Variants in PDE4B observed in about 807,000 individuals in gnomAD.
PDE4B encodes the protein phosphodiesterase 4B.
A neutral mutation model predicts 82.2 loss-of-function variants in PDE4B; 20 were observed. The observed-to-expected ratio is 0.24, with a 90% confidence interval of 0.17 to 0.35. The LOEUF is 0.35. Ranked by LOEUF, PDE4B falls within the 10% of genes least tolerant of loss-of-function variation. The pLI, the probability that PDE4B is intolerant of heterozygous loss-of-function variation, is 1.00. For synonymous variants in PDE4B, 320 were observed against 318.9 expected (o/e 1.00, Z -0.04); for missense variants, 655 against 907.2 (o/e 0.72, Z 3.57).
At chr1:66,168,011 C>G (rs1157976006) in intron 3 of PDE4B, among the ~76,000 whole-genome samples, 1 of 152,142 alleles carries the variant, frequency 6.6e-6, no homozygotes, top group East Asian at 1.9e-4. Context: ...AAAATAAAGC[C>G]TTTTCCTGTA....
chr1:66,094,955 G>C (rs1306624575), intron 3 of PDE4B, among the ~76,000 whole-genome samples: 1 of 151,842 alleles, frequency 6.6e-6, no homozygotes, highest in Non-Finnish European at 1.5e-5. Flanking sequence ...TAAAGTCTTT[G>C]CATTTAACCA....
Position 66,374,039 on chromosome 1 carries a change from C to A in PDE4B, c.*1361C>A, listed in dbSNP as rs1287661024. On this transcript the variant is annotated 3_prime_UTR_variant, in exon 17 of 17. Transcript: ENST00000341517. ...GATGTAGTTTTTACCCAGGTTCTATCCAAATCTATGTGGGCATGAGTTGGG... is the reference window on the plus strand; with the variant it reads ...GATGTAGTTTTTACCCAGGTTCTATACAAATCTATGTGGGCATGAGTTGGG... The A allele has an allele frequency of 6.6e-6, 1 of 152,616 alleles. No homozygotes were observed. Among genetic ancestry groups the A allele is most frequent in the Admixed American group, 6.5e-5 (1 of 15,272 alleles). The allele number at this position is 152,616 out of a possible 1,614,324, so 9.5% of individuals were successfully genotyped here.
intron 3 of PDE4B, among the ~76,000 whole-genome samples, chr1:66,060,083 G>A (rs1429312125): frequency 1.3e-5 from 2 of 152,124 alleles, no homozygotes; most frequent in African/African-American, 4.8e-5. Context: ...AACTACTATA[G>A]CATAGCATGC....
chr1:66,372,814 T>A lies in PDE4B; in HGVS notation c.*136T>A, dbSNP rs1402004601. The A allele has an allele frequency of 4.8e-6, 4 of 830,230 alleles. No individual in the cohort carries two copies. The highest frequency in any genetic ancestry group is 7.4e-6 in the Non-Finnish European group (4 of 541,372). The allele number at this position is 830,230 out of a possible 1,614,324, so 51.4% of individuals were successfully genotyped here. A position where few individuals can be genotyped will look rare whatever the true frequency, so the allele number is the denominator to read the frequency against. ...GCCTTTCAGTTACTTGAGTTTGGAG[T>A]CAGAAAGCAAGACCAGGAAGCAAAT... On this transcript the variant is annotated 3_prime_UTR_variant, in exon 17 of 17. Coordinates refer to ENST00000341517, the MANE Select transcript of PDE4B (RefSeq NM_002600.4).
chr1:66,014,991 C>T (rs1317088407), intron 3 of PDE4B, among the ~76,000 whole-genome samples: 1 of 152,096 alleles, frequency 6.6e-6, no homozygotes, highest in Non-Finnish European at 1.5e-5. Flanking sequence ...ATGATCATTG[C>T]ACAGGTGACT....
At chr1:66,064,201 T>C (rs567734778) in intron 3 of PDE4B, among the ~76,000 whole-genome samples, 13 of 152,068 alleles carry the variant, frequency 8.5e-5, no homozygotes, top group African/African-American at 3.1e-4. Context: ...ACGGTGCTAA[T>C]GAAGTGTTGT....
At chr1:66,334,210 C>A (rs1483631638) in intron 8 of PDE4B, among the ~76,000 whole-genome samples, 1 of 152,120 alleles carries the variant, frequency 6.6e-6, no homozygotes. Flanking sequence ...TGGCAAACTT[C>A]AATAGTCACC....
rs538385504 is a variant in PDE4B at position 65,965,225 on chromosome 1, T to C, written c.281+46390T>C. On this transcript the variant is annotated intron_variant, in intron 3 of 16. Transcript: ENST00000341517. ...TTGGGTAACATGAATTGATGCCTGC[T>C]TAAAGAGTTAAGGCATTTCCTCCCC... Among the ~76,000 whole-genome samples the C allele has an allele frequency of 1.1e-4, 17 of 152,070 alleles. No individual in the cohort carries two copies. In the South Asian group the frequency reaches 2.5e-3, roughly 22 times the overall value.
chr1:65,870,790 T>G (rs1646564311), intron 1 of PDE4B, among the ~76,000 whole-genome samples: 1 of 152,132 alleles, frequency 6.6e-6, no homozygotes, highest in Admixed American at 6.6e-5. Context: ...CTTGTTTAAT[T>G]TAGAGCTAAG....
At chr1:66,325,471 C>G (rs890005415) in intron 7 of PDE4B, among the ~76,000 whole-genome samples, 7 of 152,152 alleles carry the variant, frequency 4.6e-5, no homozygotes, top group African/African-American at 1.7e-4. Context: ...GCTCAGTGTA[C>G]TTTTGCTGAA....
chr1:65,883,158 T>TC (rs1646729034), intron 1 of PDE4B, among the ~76,000 whole-genome samples: 1 of 152,194 alleles, frequency 6.6e-6, no homozygotes, highest in Non-Finnish European at 1.5e-5. Context: ...TGGTTCCATA[T>TC]GAACTTTAAA....
intron 3 of PDE4B, among the ~76,000 whole-genome samples, chr1:66,183,451 A>G (rs1218150297): frequency 2.0e-5 from 3 of 152,152 alleles, no homozygotes; most frequent in Admixed American, 1.3e-4. Flanking sequence ...GAGCAAAAGA[A>G]TGTTCTCCTT....
intron 2 of PDE4B, among the ~76,000 whole-genome samples, chr1:65,914,694 G>A (rs1441633764): frequency 6.6e-6 from 1 of 151,240 alleles, no homozygotes; most frequent in African/African-American, 2.4e-5. Flanking sequence ...ATAAAACTGA[G>A]CAATGCCTTC....
intron 3 of PDE4B, among the ~76,000 whole-genome samples, chr1:66,078,889 C>T (rs1407589771): frequency 6.6e-6 from 1 of 152,048 alleles, no homozygotes; most frequent in Non-Finnish European, 1.5e-5. Context: ...CAAGTGTGGG[C>T]CACTTAGAGT....
chr1:66,333,715 G>C (rs1213235821), intron 8 of PDE4B, among the ~76,000 whole-genome samples: 1 of 152,148 alleles, frequency 6.6e-6, no homozygotes, highest in Non-Finnish European at 1.5e-5. Context: ...AAGGCTTGCT[G>C]GCTGCGGCTC....
intron 3 of PDE4B, among the ~76,000 whole-genome samples, chr1:66,076,871 C>T (rs1656462845): frequency 6.6e-6 from 1 of 151,970 alleles, no homozygotes; most frequent in Admixed American, 6.6e-5. Context: ...TTGTTTTTCG[C>T]ATGTTAATTT....
chr1:66,310,407 A>G (rs145163345), intron 7 of PDE4B, among the ~76,000 whole-genome samples: 2 of 152,254 alleles, frequency 1.3e-5, no homozygotes, highest in African/African-American at 2.4e-5. Context: ...CTCAATGCAA[A>G]TGGAGGATTG....
intron 3 of PDE4B, among the ~76,000 whole-genome samples, chr1:65,961,852 G>A (rs151006031): frequency 3.9e-5 from 6 of 152,244 alleles, no homozygotes; most frequent in East Asian, 1.9e-4. Context: ...AATTTCCTGC[G>A]AGAAACAAAG....
intron 3 of PDE4B, among the ~76,000 whole-genome samples, chr1:66,115,490 A>G (rs1645576628): frequency 6.6e-6 from 1 of 152,230 alleles, no homozygotes; most frequent in Non-Finnish European, 1.5e-5. Flanking sequence ...ATTTTTATGA[A>G]TTCATCAAGC....
Sources: allele counts gnomAD v4.1 joint callset (sites outside exome capture counted in the v4.1 genomes callset), GRCh38; gene constraint gnomAD v4.1.1; transcripts MANE v1.5; gene names NCBI Gene and HGNC (gene_info 2026-07-23, HGNC 2026-07-21).